Variants in CHKA observed in about 807,000 individuals in gnomAD.
The protein encoded by CHKA is choline kinase alpha.
CHKA carries 34 observed loss-of-function variants against 60.1 expected under a neutral mutation model. The observed-to-expected ratio is 0.57, with a 90% CI of 0.43 to 0.75. CHKA has a LOEUF of 0.75. Among genes scored for constraint, CHKA ranks in the 30% least tolerant of loss-of-function variants. The pLI, the probability that CHKA is intolerant of heterozygous loss-of-function variation, is 0.00. For synonymous variants in CHKA, 217 were observed against 223.1 expected, an observed-to-expected ratio of 0.97 and a Z score of 0.24; for missense variants, 563 against 561.3, an observed-to-expected ratio of 1.00 and a Z score of -0.03.
At chr11:68,097,156 T>C in intron 1 of CHKA, 26 bp from the exon 2 acceptor site, 1 of 1,564,260 alleles carries the variant, frequency 6.4e-7, no homozygotes, top group Non-Finnish European at 8.8e-7. Flanking sequence ...GGACAGTAAG[T>C]ATCTTTATTG....
chr11:68,065,725 T>C, intron 9 of CHKA, 61 bp downstream of exon 9: 1 of 1,164,994 alleles, frequency 8.6e-7, no homozygotes. Flanking sequence ...AAGATGTAAT[T>C]CTAACTGCAT....
rs967520333 is a variant in CHKA at position 68,070,356 on chromosome 11, C to G, written c.765-63G>C. The G allele has an allele frequency of 2.2e-5, 27 of 1,213,322 alleles. No individual in the cohort carries two copies. In the African/African-American group the frequency reaches 2.4e-4, roughly 11 times the overall value. The allele number at this position is 1,213,322 out of a possible 1,614,324, so 75.2% of individuals were successfully genotyped here. A position where few individuals can be genotyped will look rare whatever the true frequency, so the allele number is the denominator to read the frequency against. On this transcript the variant is annotated intron_variant, in intron 5 of 11. Coordinates refer to ENST00000265689, the MANE Select transcript of CHKA (RefSeq NM_001277.3). Reference sequence around the variant, plus strand: ...TCACCGATCAATTCACCAAGGCTTGCTGTTCTTGGGGCTTTGGTTAAACAT... The same window carrying G: ...TCACCGATCAATTCACCAAGGCTTGGTGTTCTTGGGGCTTTGGTTAAACAT...
intron 1 of CHKA, among the ~76,000 whole-genome samples, chr11:68,100,646 A>T (rs1857678896): frequency 6.6e-6 from 1 of 150,718 alleles, no homozygotes; most frequent in Admixed American, 6.6e-5. Flanking sequence ...CAAGAGCGAA[A>T]CATCATCTCC....
chr11:68,116,522 G>A (rs1229607719), intron 1 of CHKA, among the ~76,000 whole-genome samples: 1 of 151,796 alleles, frequency 6.6e-6, no homozygotes, highest in Non-Finnish European at 1.5e-5. Flanking sequence ...GACCAGCCTG[G>A]CCAACATGTG....
intron 2 of CHKA, among the ~76,000 whole-genome samples, chr11:68,096,402 T>C (rs1186435306): frequency 6.6e-6 from 1 of 152,076 alleles, no homozygotes; most frequent in Non-Finnish European, 1.5e-5. Context: ...CCGTGCTCAA[T>C]GAAATAGTAA....
At chr11:68,118,088 G>A (rs1453948028) in intron 1 of CHKA, among the ~76,000 whole-genome samples, 1 of 152,180 alleles carries the variant, frequency 6.6e-6, no homozygotes, top group African/African-American at 2.4e-5. Context: ...CTGAGTTGAG[G>A]TGGTGAAGTC....
At chr11:68,119,954 C>T (rs1383294791) in intron 1 of CHKA, among the ~76,000 whole-genome samples, 2 of 152,026 alleles carry the variant, frequency 1.3e-5, no homozygotes, top group African/African-American at 2.4e-5. Context: ...AATGGCCGAG[C>T]GCGGTGGCTC....
chr11:68,059,574 A>C (rs140821131), intron 11 of CHKA, among the ~76,000 whole-genome samples: 51 of 152,362 alleles, frequency 3.3e-4, no homozygotes, highest in African/African-American at 1.2e-3. Flanking sequence ...ATATCCCACA[A>C]ATACTGACAT....
chr11:68,090,915 GAC>G (rs1485042743), intron 2 of CHKA, among the ~76,000 whole-genome samples: 1 of 152,192 alleles, frequency 6.6e-6, no homozygotes, highest in African/African-American at 2.4e-5. Context: ...CAGAGGAAGG[GAC>G]AAAGCAATCC....
chr11:68,066,599 T>C, intron 7 of CHKA, 83 bp from the exon 8 acceptor site: 1 of 1,084,030 alleles, frequency 9.2e-7, no homozygotes, highest in Non-Finnish European at 1.4e-6. Flanking sequence ...AGAATGGATT[T>C]GATCCCTTAG....
intron 3 of CHKA, among the ~76,000 whole-genome samples, chr11:68,075,595 T>C (rs1158996436): frequency 1.3e-5 from 2 of 152,096 alleles, no homozygotes; most frequent in Non-Finnish European, 2.9e-5. Context: ...TTTCCATCTG[T>C]TGGAGTGAAG....
chr11:68,105,398 C>G (rs1335424935), intron 1 of CHKA, among the ~76,000 whole-genome samples: 1 of 147,958 alleles, frequency 6.8e-6, no homozygotes, highest in East Asian at 2.0e-4. Context: ...ACCTATAGTC[C>G]CAACTACTCA....
chr11:68,119,815 T>C (rs112505373), intron 1 of CHKA, among the ~76,000 whole-genome samples: 5 of 152,168 alleles, frequency 3.3e-5, no homozygotes, highest in African/African-American at 1.2e-4. Context: ...ACACACTACG[T>C]TGAATGGTTA....
At chr11:68,081,314 G>C in intron 3 of CHKA, 90 bp downstream of exon 3, 1 of 1,007,718 alleles carries the variant, frequency 9.9e-7, no homozygotes, top group Admixed American at 1.9e-5. Flanking sequence ...TCCAAGGGTA[G>C]ATAAGAGGCA....
At chr11:68,098,599 T>C (rs1023230392) in intron 1 of CHKA, among the ~76,000 whole-genome samples, 1 of 152,182 alleles carries the variant, frequency 6.6e-6, no homozygotes, top group Non-Finnish European at 1.5e-5. Context: ...AGCACAACAA[T>C]GAATGTACTT....
chr11:68,097,262 T>G, intron 1 of CHKA, 132 bp from the exon 2 acceptor site: 1 of 571,318 alleles, frequency 1.8e-6, no homozygotes, highest in Non-Finnish European at 3.0e-6. Flanking sequence ...TTCTCTCAAT[T>G]TAACTCCATG....
chr11:68,110,573 T>A (rs1487949866), intron 1 of CHKA, among the ~76,000 whole-genome samples: 2 of 152,196 alleles, frequency 1.3e-5, no homozygotes, highest in Non-Finnish European at 2.9e-5. Context: ...ACTCAATGTG[T>A]ATTGAGTCAT....
In CHKA at chr11:68,053,650, T is replaced by G. The variant is rs1430184169; in HGVS notation, c.*338A>C. On this transcript the variant is annotated 3_prime_UTR_variant, in exon 12 of 12. Transcript: ENST00000265689. The stretch of plus-strand genomic sequence containing the variant: ...CAACATTAACCAAAGTACCTGCAAG[T>G]AACACTGCTTACTCTTGCTGTTTGC... The G allele has an allele frequency of 7.5e-6, 2 of 265,218 alleles. No homozygotes were observed. Among genetic ancestry groups the G allele is most frequent in the African/African-American group, 4.4e-5 (2 of 44,956 alleles). The allele number at this position is 265,218 out of a possible 1,614,324, so 16.4% of individuals were successfully genotyped here.
chr11:68,077,726 C>T (rs559224558), intron 3 of CHKA, among the ~76,000 whole-genome samples: 11 of 152,188 alleles, frequency 7.2e-5, no homozygotes, highest in African/African-American at 2.2e-4. Flanking sequence ...AGCAAGTACA[C>T]GCAGCTATGG....
Sources: allele counts gnomAD v4.1 joint callset (sites outside exome capture counted in the v4.1 genomes callset), GRCh38; gene constraint gnomAD v4.1.1; transcripts MANE v1.5; gene names NCBI Gene and HGNC (gene_info 2026-07-23, HGNC 2026-07-21).